LRP1: variants seen among roughly 807,000 people sequenced by gnomAD.
LRP1 encodes the protein prolow-density lipoprotein receptor-related protein 1.
Under a neutral mutation model 541.5 loss-of-function variants are expected in LRP1, and 51 were observed. The ratio of observed to expected loss-of-function variants is 0.09; its 90% CI spans 0.08 to 0.12. LRP1 has a LOEUF of 0.12. Ranked by LOEUF, LRP1 falls within the 10% of genes least tolerant of loss-of-function variation. The pLI, the probability that LRP1 is intolerant of heterozygous loss-of-function variation, is 1.00. For synonymous variants in LRP1, 2,219 were observed against 2,470.8 expected (o/e 0.90, Z 3.02); for missense variants, 3,878 against 6,376.2 (o/e 0.61, Z 13.34).
intron 1 of LRP1, among the ~76,000 whole-genome samples, chr12:57,133,913 T>C (rs2035095552): frequency 6.6e-6 from 1 of 151,934 alleles, no homozygotes; most frequent in Admixed American, 6.6e-5. Context: ...TGGAGAAGAC[T>C]CCTTCAGGGT....
At position 57,212,575 on chromosome 12, in the gene LRP1, GC is replaced by G; in HGVS notation, c.*25del. On this transcript the variant is annotated 3_prime_UTR_variant, in exon 89 of 89. Coordinates refer to ENST00000243077, the MANE Select transcript of LRP1 (RefSeq NM_002332.3). This position sits in a 1 kb window ranked among gnomAD's most constrained non-coding sequence, Gnocchi z 5.0. ...GCATAGGGCCCTGCCCCGTCGGACT[GC>G]CCCCAGAAAGCCTCCTGCCCCCTGC... 2 of 1,557,838 alleles carry G rather than the reference GC, an allele frequency of 1.3e-6. No individual in the cohort carries two copies. Among genetic ancestry groups the G allele is most frequent in the South Asian group, 1.2e-5 (1 of 81,282 alleles).
Position 57,185,271 on chromosome 12 carries a change from C to A in LRP1, c.6463+66C>A. ...GACTCTGGCCTGGGAGAGTGCTCCCCAGGGAACCCAGTGTGAGAGGGCTGG... is the reference window on the plus strand; with the variant it reads ...GACTCTGGCCTGGGAGAGTGCTCCCAAGGGAACCCAGTGTGAGAGGGCTGG... On this transcript the variant is annotated intron_variant, in intron 40 of 88. Coordinates refer to ENST00000243077, the MANE Select transcript of LRP1 (RefSeq NM_002332.3). This position sits in a 1 kb window ranked among gnomAD's most constrained non-coding sequence, Gnocchi z 4.9. The A allele has an allele frequency of 2.5e-6, 4 of 1,587,796 alleles. No individual in the cohort carries two copies. The highest frequency in any genetic ancestry group is 3.4e-6 in the Non-Finnish European group (4 of 1,163,668).
In LRP1 at chr12:57,210,748, T is replaced by A. The variant is rs767798756; in HGVS notation, c.12785T>A (p.Phe4262Tyr). 6.2e-7 allele frequency: 1 copy of A among 1,611,786 alleles called. No homozygotes were observed. The highest frequency in any genetic ancestry group is 2.2e-5 in the East Asian group (1 of 44,780). The change falls in exon 83 of 89, where the codon TTC (phenylalanine) becomes TAC (tyrosine). Residue 4262 changes from phenylalanine to tyrosine, a missense_variant. Physicochemically the swap from Phe to Tyr is conservative, Grantham distance 22. This residue lies in a region of LRP1 where 871 missense variants were observed against 1,212.4 expected (regional missense o/e 0.72). Transcript: ENST00000243077. The part of the protein sequence containing the change: ...GMPTCRCPTG[F>Y]TGPKCTQQVC... ...CCCACGTGCCGGTGCCCCACGGGCT[T>A]CACGGGCCCCAAATGCACCCAGCAG...
rs147490871 is a variant in LRP1, at chr12:57,195,471, G to T, written c.8437+72G>T. ...GTCTCACTTTGCAGATGGGGAAGCC[G>T]GGGTGCAGGAGAGGAAATGCCTCAG... On this transcript the variant is annotated intron_variant, in intron 52 of 88. Transcript: ENST00000243077. 1,774 of 1,586,916 alleles carry T rather than the reference G, an allele frequency of 1.1e-3. 15 individuals carry two copies. In the African/African-American group the frequency reaches 0.019, roughly 17 times the overall value.
At position 57,200,825 on chromosome 12, in the gene LRP1, T is replaced by TGGGCG; in HGVS notation, c.10225+11_10225+12insGGCGG. On this transcript the variant is annotated intron_variant, in intron 64 of 88. Coordinates refer to ENST00000243077, the MANE Select transcript of LRP1 (RefSeq NM_002332.3). ...GACGAGGCCAACTGTGGTAAGGCGC[T>TGGGCG]GCCCGCCCACCCTCCCTCCTTCCCC... 6.3e-7 allele frequency: 1 copy of TGGGCG among 1,595,892 alleles called. No individual in the cohort carries two copies. The highest frequency in any genetic ancestry group is 8.6e-7 in the Non-Finnish European group (1 of 1,166,796).
chr12:57,135,917 C>T (rs1393877419), intron 1 of LRP1, among the ~76,000 whole-genome samples: 3 of 152,106 alleles, frequency 2.0e-5, no homozygotes, highest in Non-Finnish European at 4.4e-5. Context: ...AGGTGACCAC[C>T]CGGTGACCTC....
chr12:57,173,175 G>A lies in LRP1; in HGVS notation c.3171G>A (p.Arg1057=), dbSNP rs1430474756. Residue 1057 remains arginine, a synonymous_variant, in exon 21 of 89, where the codon AGG becomes AGA. Coordinates refer to ENST00000243077, the MANE Select transcript of LRP1 (RefSeq NM_002332.3). This position sits in a 1 kb window ranked among gnomAD's most constrained non-coding sequence, Gnocchi z 4.7. The part of the protein sequence containing the change: ...THANCTNQAT[R]PPGGCHTDEF... ...TCCACTGTCCCTCTGCAGCCACGAG[G>A]CCCCCTGGTGGCTGCCACACTGATG... 2 of 1,606,354 alleles carry A rather than the reference G, an allele frequency of 1.2e-6. No homozygotes were observed. Among genetic ancestry groups the A allele is most frequent in the African/African-American group, 1.3e-5 (1 of 74,924 alleles).
intron 1 of LRP1, among the ~76,000 whole-genome samples, chr12:57,135,141 A>G (rs1474560175): frequency 6.6e-6 from 1 of 152,222 alleles, no homozygotes; most frequent in Non-Finnish European, 1.5e-5. Flanking sequence ...GGGTTATAGT[A>G]TCTAAGTGAG....
In LRP1 at chr12:57,154,151, G is replaced by A; in HGVS notation, c.842-57G>A. On this transcript the variant is annotated intron_variant, in intron 6 of 88. Coordinates refer to ENST00000243077, the MANE Select transcript of LRP1 (RefSeq NM_002332.3). This position sits in a 1 kb window ranked among gnomAD's most constrained non-coding sequence, Gnocchi z 4.6. The stretch of plus-strand genomic sequence containing the variant: ...TGTGGGTTCTCACCAGCAAAGGGTG[G>A]GCATCTCTGCAAGAGGGCCTACCCC... 2 of 1,534,628 alleles carry A rather than the reference G, an allele frequency of 1.3e-6. No individual in the cohort carries two copies. The highest frequency in any genetic ancestry group is 1.8e-6 in the Non-Finnish European group (2 of 1,119,766).
chr12:57,154,789 C>T lies in LRP1; in HGVS notation c.1227+88C>T. 8.2e-7 allele frequency: 1 copy of T among 1,213,762 alleles called. No individual in the cohort carries two copies. Among genetic ancestry groups the T allele is most frequent in the Non-Finnish European group, 1.2e-6 (1 of 845,080 alleles). 75.2% of individuals were successfully genotyped at this position (1,213,762 alleles called of 1,614,324 possible). A position where few individuals can be genotyped will look rare whatever the true frequency, so the allele number is the denominator to read the frequency against. Reference sequence around the variant, plus strand: ...GGGAAGCCTCTGTAGGGGAACCGTTCTCTGAGTCTCCTGGTAAAGAGCGTG... The same window carrying T: ...GGGAAGCCTCTGTAGGGGAACCGTTTTCTGAGTCTCCTGGTAAAGAGCGTG... On this transcript the variant is annotated intron_variant, in intron 8 of 88. Coordinates refer to ENST00000243077, the MANE Select transcript of LRP1 (RefSeq NM_002332.3). The surrounding 1 kb of genome is among the most constrained non-coding windows in gnomAD (Gnocchi z 4.6).
chr12:57,162,941 G>A lies in LRP1; in HGVS notation c.2488G>A (p.Ala830Thr). The A allele has an allele frequency of 6.2e-7, 1 of 1,608,086 alleles. No individual in the cohort carries two copies. Among genetic ancestry groups the A allele is most frequent in the African/African-American group, 1.3e-5 (1 of 75,056 alleles). The stretch of plus-strand genomic sequence containing the variant: ...CCCTGGGAGCCGCCAGTGCGCCTGT[G>A]CTGAGGACCAGGTGTTGGACGCAGA... ...ATPGSRQCAC[A>T]EDQVLDADGV... The change falls in exon 15 of 89, where the codon GCT becomes ACT. Residue 830 changes from alanine to threonine, a missense_variant. By Grantham distance (58) the Ala-to-Thr change is moderately conservative. This residue lies in a region of LRP1 where 496 missense variants were observed against 861.0 expected (regional missense o/e 0.58). Transcript: ENST00000243077. The surrounding 1 kb of genome is among the most constrained non-coding windows in gnomAD (Gnocchi z 5.2).
chr12:57,148,981 T>C lies in LRP1; in HGVS notation c.841+3491T>C, dbSNP rs1259447299. ...TTCTTTTATTTATTTATTTTTTTAGTGTGTGTGTTTTCGAAATCACAACAG... is the reference window on the plus strand; with the variant it reads ...TTCTTTTATTTATTTATTTTTTTAGCGTGTGTGTTTTCGAAATCACAACAG... On this transcript the variant is annotated intron_variant, in intron 6 of 88. Transcript: ENST00000243077. 4 of 638,778 alleles carry C rather than the reference T, an allele frequency of 6.3e-6. No homozygotes were observed. In the East Asian group the frequency reaches 8.9e-5, roughly 14 times the overall value. 39.6% of individuals were successfully genotyped at this position (638,778 alleles called of 1,614,324 possible).
At chr12:57,208,411 G>A (rs1306760826) in intron 77 of LRP1, 195 bp downstream of exon 77, 5 of 638,642 alleles carry the variant, frequency 7.8e-6, no homozygotes, top group African/African-American at 5.5e-5. Flanking sequence ...GCCCCCAGCT[G>A]GGCCTGCTTG....
chr12:57,137,110 G>A (rs1344388965), intron 1 of LRP1, among the ~76,000 whole-genome samples: 7 of 151,902 alleles, frequency 4.6e-5, no homozygotes, highest in Non-Finnish European at 8.8e-5. Flanking sequence ...GCGTGGTGGC[G>A]CATGCCTGTA....
intron 68 of LRP1, 75 bp from the exon 69 acceptor site, chr12:57,203,106 C>G (rs1334046376): frequency 4.6e-6 from 5 of 1,096,892 alleles, no homozygotes; most frequent in Non-Finnish European, 6.5e-6. Flanking sequence ...GCCTTGGGCT[C>G]GGGACTGTGG....
chr12:57,201,713 T>C lies in LRP1; in HGVS notation c.10469-67T>C. 2 of 1,597,074 alleles carry C rather than the reference T, an allele frequency of 1.3e-6. No homozygotes were observed. The highest frequency in any genetic ancestry group is 8.6e-7 in the Non-Finnish European group (1 of 1,168,168). ...ACCCCCTCAGTGGCTGCTCCCTCAC[T>C]CTCCCCACCCTCCCGGCACACTCCT... On this transcript the variant is annotated intron_variant, in intron 66 of 88. Transcript: ENST00000243077. The surrounding 1 kb of genome is among the most constrained non-coding windows in gnomAD (Gnocchi z 6.4).
chr12:57,178,300 A>C lies in LRP1; in HGVS notation c.4362-59A>C. On this transcript the variant is annotated intron_variant, in intron 26 of 88. Coordinates refer to ENST00000243077, the MANE Select transcript of LRP1 (RefSeq NM_002332.3). This position sits in a 1 kb window ranked among gnomAD's most constrained non-coding sequence, Gnocchi z 5.8. The stretch of plus-strand genomic sequence containing the variant: ...GGGCCCAGAGGGTGGGCACCTGGGC[A>C]GAGCTCTGAGGGCTGAGATCCCAGC... The C allele has an allele frequency of 6.4e-7, 1 of 1,570,520 alleles. No homozygotes were observed. The highest frequency in any genetic ancestry group is 8.7e-7 in the Non-Finnish European group (1 of 1,154,768).
chr12:57,138,254 T>C (rs932579934), intron 1 of LRP1, among the ~76,000 whole-genome samples: 2 of 151,540 alleles, frequency 1.3e-5, no homozygotes, highest in Non-Finnish European at 2.9e-5. Flanking sequence ...TGCTTCTGGA[T>C]CCTCCCCACC....
rs976438042 is a variant in LRP1 at position 57,197,462 on chromosome 12, G to A, written c.9162+78G>A. ...CCTCCCTTGCAAGTCTCCCCGCTTAGGTCCAACCATCCCTCCCCCAGATGC... is the reference window on the plus strand; with the variant it reads ...CCTCCCTTGCAAGTCTCCCCGCTTAAGTCCAACCATCCCTCCCCCAGATGC... On this transcript the variant is annotated intron_variant, in intron 57 of 88. Transcript: ENST00000243077. The surrounding 1 kb of genome is among the most constrained non-coding windows in gnomAD (Gnocchi z 4.5). 6.2e-6 allele frequency: 10 copies of A among 1,612,020 alleles called. No homozygotes were observed. The Admixed American group carries it at 1.5e-4, about 24-fold the overall frequency.
Sources: gnomAD v4.1 joint callset for allele counts (sites outside exome capture counted in the v4.1 genomes callset) on GRCh38, gnomAD v4.1.1 for gene constraint, gnomAD v4.1.1 regional missense constraint, Gnocchi (gnomAD v3.1) non-coding constraint, MANE v1.5 for transcripts, NCBI Gene and HGNC (gene_info 2026-07-23, HGNC 2026-07-21) for gene names.